The following PERM1 variants were observed in gnomAD, a reference collection of about 807,000 sequenced individuals.
The protein encoded by PERM1 is PPARGC1 and ESRR induced regulator, muscle 1, also known as PGC-1 and ERR-induced regulator in muscle protein 1.
PERM1 carries 45 observed loss-of-function variants against 44.1 expected under a neutral mutation model. That is an observed-to-expected ratio of 1.02 (90% CI 0.80 to 1.31). The LOEUF (loss-of-function observed/expected upper bound fraction) is 1.31, where lower values mean the gene tolerates loss of function less well. PERM1 is among the 50% of genes most tolerant of loss of function. PERM1 has a pLI of 0.00. For missense variants in PERM1, 1,189 were observed against 1,106.9 expected, an observed-to-expected ratio of 1.07 and a Z score of -1.05; for synonymous variants, 565 against 477.1, an observed-to-expected ratio of 1.18 and a Z score of -2.40.
exon 1 of PERM1, chr1:978,883 G>A: frequency 6.7e-7 from 1 of 1,483,694 alleles, no homozygotes; most frequent in Non-Finnish European, 9.0e-7. Flanking sequence ...GCACGTACCT[G>A]CCCGTCTAAG....
At position 978,869 on chromosome 1, in the gene PERM1, G is replaced by C; in HGVS notation, c.2149+12C>G. On this transcript the variant is annotated intron_variant, in intron 1 of 2. Coordinates refer to ENST00000433179, the Ensembl canonical transcript of PERM1. ...GGGATCTGGACGGGCTGTGGGATCC[G>C]AGAGCACGTACCTGCCCGTCTAAGA... 6.8e-7 allele frequency: 1 copy of C among 1,462,296 alleles called. No homozygotes were observed. The highest frequency in any genetic ancestry group is 9.1e-7 in the Non-Finnish European group (1 of 1,103,332). The allele number at this position is 1,462,296 out of a possible 1,614,324, so 90.6% of individuals were successfully genotyped here.
chr1:980,813 C>T (rs1643776915), exon 1 of PERM1: 5 of 1,399,476 alleles, frequency 3.6e-6, no homozygotes, highest in African/African-American at 2.9e-5. Context: ...TCCTCGCAGC[C>T]CCGCCGGCTC....
exon 3 of PERM1, chr1:975,374 G>A (rs1419802520): frequency 1.3e-5 from 2 of 152,354 alleles, no homozygotes; most frequent in African/African-American, 4.8e-5. Flanking sequence ...TCTTGGCTGT[G>A]GGTCCCCAGC....
In PERM1 at chr1:979,034, CGAA is replaced by C. The variant is rs748758211; in HGVS notation, c.1993_1995del (p.Phe665del). Reference sequence around the variant, plus strand: ...AGCACGCCCTCAAGCCTGTCCTCCCCGAAGAAGAAGTGTTCATAGACCTCAGGG... The same window carrying C: ...AGCACGCCCTCAAGCCTGTCCTCCCCGAAGAAGTGTTCATAGACCTCAGGG... On this transcript the variant is annotated inframe_deletion, in exon 1 of 3. Transcript: ENST00000433179. 459 of 1,539,546 alleles carry C rather than the reference CGAA, an allele frequency of 3.0e-4. 4 individuals carry two copies. In the Admixed American group the frequency reaches 5.1e-3, roughly 17 times the overall value.
chr1:978,972 C>T, exon 1 of PERM1: 1 of 1,517,500 alleles, frequency 6.6e-7, no homozygotes, highest in Non-Finnish European at 8.9e-7. Flanking sequence ...ACCGGGGAGG[C>T]TCCAGGGCCT....
At chr1:981,224 C>G (rs1418860866), upstream of PERM1, 1 of 1,511,554 alleles carries the variant, frequency 6.6e-7, no homozygotes, top group Non-Finnish European at 8.9e-7. Flanking sequence ...TTCCTTCAAA[C>G]CTAGTGGTGA....
chr1:980,089 G>C (rs1237929195), exon 1 of PERM1: 4 of 1,549,956 alleles, frequency 2.6e-6, no homozygotes, highest in Non-Finnish European at 2.6e-6. Context: ...TGTAGACACA[G>C]CCATGTCCCT....
At chr1:978,971 G>C in exon 1 of PERM1, 4 of 1,512,912 alleles carry the variant, frequency 2.6e-6, no homozygotes, top group South Asian at 2.5e-5. Flanking sequence ...GACCGGGGAG[G>C]CTCCAGGGCC....
chr1:979,241 C>T, exon 1 of PERM1: 3 of 1,550,126 alleles, frequency 1.9e-6, no homozygotes, highest in East Asian at 2.4e-5. Context: ...GCCTCAGCCT[C>T]TTCGTTCTCC....
chr1:980,175 C>G (rs1358099941), exon 1 of PERM1: 1 of 1,550,316 alleles, frequency 6.5e-7, no homozygotes, highest in Non-Finnish European at 8.7e-7. Flanking sequence ...GGAGGGCTTC[C>G]CAGACAGTCG....
At chr1:976,348 G>A (rs1416785178) in intron 2 of PERM1, 79 bp from the exon 4 acceptor site, 7 of 1,472,682 alleles carry the variant, frequency 4.8e-6, no homozygotes, top group South Asian at 2.8e-5. Context: ...GCCCTCAAAG[G>A]GCGGGCAAGG....
chr1:980,927 C>T lies in PERM1; in HGVS notation c.103G>A (p.Gly35Arg), dbSNP rs1282096462. 6.3e-6 allele frequency: 9 copies of T among 1,423,648 alleles called. No homozygotes were observed. The East Asian group carries it at 1.1e-4, about 17-fold the overall frequency. The allele number at this position is 1,423,648 out of a possible 1,614,324, so 88.2% of individuals were successfully genotyped here. ...ATGTCACTGGACAAGAGCTCGTCCC[C>T]AGAGGCCAGGCCGGCCTGCAGGAGG... The change falls in exon 1 of 3, where the codon GGG (glycine) becomes AGG (arginine). Residue 35 changes from glycine to arginine, a missense_variant. Physicochemically the swap from Gly to Arg is moderately radical, Grantham distance 125. Around this residue, in one of 3 missense-constraint regions of PERM1, gnomAD observed 274 missense variants for 317.9 expected, o/e 0.86. Transcript: ENST00000433179.
chr1:978,948 C>T, exon 1 of PERM1: 2 of 1,507,888 alleles, frequency 1.3e-6, no homozygotes, highest in Middle Eastern at 1.8e-4. Context: ...CAGGCCCCGC[C>T]CCCTCGGAGG....
intron 1 of PERM1, 30 bp from the exon 3 acceptor site, chr1:976,654 G>C: frequency 1.3e-6 from 2 of 1,548,292 alleles, no homozygotes; most frequent in East Asian, 2.4e-5. Context: ...TCAGCCCCAC[G>C]GCTGCACTCA....
At chr1:975,836 C>T in exon 3 of PERM1, 1 of 288,338 alleles carries the variant, frequency 3.5e-6, no homozygotes, top group East Asian at 7.2e-5. Flanking sequence ...AGATAAACAA[C>T]AACTTCTTAG....
Position 979,757 on chromosome 1 carries a change from C to A in PERM1, c.1273G>T (p.Val425Leu), listed in dbSNP as rs1344671428. The A allele has an allele frequency of 2.6e-6, 4 of 1,550,358 alleles. No individual in the cohort carries two copies. The South Asian group carries it at 4.8e-5, about 18-fold the overall frequency. ...TCCGAGACAGGTGGAGATGAAGCCA[C>A]CTCTAGCTTAGCCACTGGGCCTGCT... is the stretch of plus-strand genomic sequence containing the variant. The change falls in exon 1 of 3, where the codon GTG becomes TTG. Residue 425 changes from valine to leucine, a missense_variant. Transcript: ENST00000433179.
chr1:978,937 C>T, exon 1 of PERM1: 1 of 1,506,500 alleles, frequency 6.6e-7, no homozygotes, highest in South Asian at 1.3e-5. Context: ...GAGGGGGGTC[C>T]CAGGCCCCGC....
chr1:979,194 C>A, exon 1 of PERM1: 1 of 1,550,150 alleles, frequency 6.5e-7, no homozygotes, highest in East Asian at 2.4e-5. Context: ...ACATGTCCGG[C>A]CACTGGACGC....
At chr1:976,248 GTGCCGACGT>G in exon 3 of PERM1, 1 of 1,530,734 alleles carries the variant, frequency 6.5e-7, no homozygotes, top group South Asian at 1.2e-5. Context: ...GGCAGAGATG[GTGCCGACGT>G]TGGCCAGCAA....
Sources: allele counts gnomAD v4.1 joint callset, GRCh38; gene constraint gnomAD v4.1.1; regional missense constraint gnomAD v4.1.1; transcripts MANE v1.5; gene names NCBI Gene and HGNC (gene_info 2026-07-23, HGNC 2026-07-21).